The following USP36 variants were observed in gnomAD, a reference collection of about 807,000 sequenced individuals.
USP36 encodes ubiquitin specific peptidase 36.
USP36 carries 59 observed loss-of-function variants against 111.5 expected under a neutral mutation model. The observed-to-expected ratio is 0.53, with a 90% CI of 0.43 to 0.66. The LOEUF is 0.66. USP36 is among the 30% of genes least tolerant of loss of function. The pLI, the probability that USP36 is intolerant of heterozygous loss-of-function variation, is 0.00. For synonymous variants in USP36, 628 were observed against 581.0 expected (o/e 1.08, Z -1.16); for missense variants, 1,488 against 1,468.0 (o/e 1.01, Z -0.22).
At chr17:78,827,439 TA>T in intron 5 of USP36, 92 bp from the exon 6 acceptor site, 1 of 1,269,388 alleles carries the variant, frequency 7.9e-7, no homozygotes. Context: ...CTGGCTGTTA[TA>T]AGGGGAAAAT....
chr17:78,820,290 A>G lies in USP36; in HGVS notation c.829-278T>C, dbSNP rs1374710252. On this transcript the variant is annotated intron_variant, in intron 8 of 20. Transcript: ENST00000449938. The stretch of plus-strand genomic sequence containing the variant: ...GGAGTTTGAGACAAGCCTGGGCAAC[A>G]TAGCAAGACCCCTGTCTCTGCAAAG... 3.9e-5 allele frequency among the ~76,000 whole-genome samples: 6 copies of G among 152,196 alleles called. No individual in the cohort carries two copies. In the East Asian group the frequency reaches 5.8e-4, roughly 15 times the overall value.
At chr17:78,815,904 G>A (rs529342377) in intron 10 of USP36, among the ~76,000 whole-genome samples, 45 of 151,682 alleles carry the variant, frequency 3.0e-4, no homozygotes, top group South Asian at 1.7e-3. Flanking sequence ...ATACATGCAC[G>A]CACACATGCA....
At chr17:78,837,270 G>A (rs2068770402) in intron 2 of USP36, among the ~76,000 whole-genome samples, 1 of 152,022 alleles carries the variant, frequency 6.6e-6, no homozygotes, top group Non-Finnish European at 1.5e-5. Flanking sequence ...AGCAGGCCTA[G>A]AGACTAGTAT....
At chr17:78,793,828 C>T (rs537703671), downstream of USP36, among the ~76,000 whole-genome samples, 5 of 152,128 alleles carry the variant, frequency 3.3e-5, no homozygotes, top group Admixed American at 6.5e-5. Flanking sequence ...GTCCAGACAC[C>T]TGGGCTTTTT....
chr17:78,821,302 A>C (rs1599055264), intron 7 of USP36: 1 of 409,688 alleles, frequency 2.4e-6, no homozygotes, highest in Non-Finnish European at 4.5e-6. Flanking sequence ...ACTGCTGACC[A>C]CCACGTGCGG....
Position 78,807,277 on chromosome 17 carries a change from G to A in USP36, c.1767C>T (p.Ala589=), listed in dbSNP as rs1479909860. The A allele has an allele frequency of 6.2e-7, 1 of 1,614,178 alleles. No homozygotes were observed. Among genetic ancestry groups the A allele is most frequent in the East Asian group, 2.2e-5 (1 of 44,888 alleles). Residue 589 remains alanine, a synonymous_variant, in exon 14 of 21, where the codon GCC becomes GCT. Transcript: ENST00000449938. ...CCTTCAGCCCATGCCCGTTGGCAGT[G>A]GCTGTAGCCAGGAGCTTAGGTGAGG... The part of the protein sequence containing the change: ...LSTSPKLLAT[A]TANGHGLKGN...
chr17:78,791,993 C>G (rs1387300268), downstream of USP36: 1 of 152,182 alleles, frequency 6.6e-6, no homozygotes, highest in East Asian at 1.9e-4. Flanking sequence ...TCAGTTGATT[C>G]TGGGCTTGAT....
chr17:78,796,114 C>T lies in USP36; in HGVS notation c.*1786G>A, dbSNP rs1441182846. 6.6e-6 allele frequency: 1 copy of T among 152,004 alleles called. No homozygotes were observed. Among genetic ancestry groups the T allele is most frequent in the East Asian group, 1.9e-4 (1 of 5,200 alleles). 9.4% of individuals were successfully genotyped at this position (152,004 alleles called of 1,614,324 possible). On this transcript the variant is annotated 3_prime_UTR_variant, in exon 21 of 21. Transcript: ENST00000449938. ...GCCCAAGAGTTAACGAATGTATGTA[C>T]CCCAGGAAAAGGTTTTACAGTTATC...
chr17:78,831,098 T>C (rs944257728), intron 4 of USP36, among the ~76,000 whole-genome samples: 1 of 151,414 alleles, frequency 6.6e-6, no homozygotes, highest in South Asian at 2.1e-4. Context: ...TGGTGGCACG[T>C]GCCTGTAGTC....
At chr17:78,831,443 T>G (rs935060060) in intron 4 of USP36, among the ~76,000 whole-genome samples, 11 of 151,144 alleles carry the variant, frequency 7.3e-5, no homozygotes, top group Admixed American at 7.3e-4. Flanking sequence ...GAGACCCCCA[T>G]CTCTACTAAA....
chr17:78,805,431 T>A (rs573425174), intron 15 of USP36, among the ~76,000 whole-genome samples: 1 of 152,260 alleles, frequency 6.6e-6, no homozygotes, highest in African/African-American at 2.4e-5. Flanking sequence ...CAGTCATACC[T>A]CGCCCTCATG....
At chr17:78,821,101 C>A (rs1427385057) in intron 7 of USP36, 40 bp from the exon 8 acceptor site, 1 of 1,560,316 alleles carries the variant, frequency 6.4e-7, no homozygotes, top group East Asian at 2.4e-5. Context: ...TGGGGCCTGG[C>A]AGAGGCACTC....
At chr17:78,825,000 T>C (rs1186679928) in intron 6 of USP36, among the ~76,000 whole-genome samples, 1 of 152,112 alleles carries the variant, frequency 6.6e-6, no homozygotes, top group Admixed American at 6.6e-5. Flanking sequence ...CAACCACCTG[T>C]ATAGAGCAAA....
rs994579601 is a variant in USP36, at chr17:78,802,703, C to G, written c.2811-168G>C. On this transcript the variant is annotated intron_variant, in intron 16 of 20. Coordinates refer to ENST00000449938, the MANE Select transcript of USP36 (RefSeq NM_001385174.1). ...CACACGCATTAGCGGACGCTCCACACGCAGCCACGGAGACAGTAGAGGGAA... is the reference window on the plus strand; with the variant it reads ...CACACGCATTAGCGGACGCTCCACAGGCAGCCACGGAGACAGTAGAGGGAA... 2.0e-5 allele frequency among the ~76,000 whole-genome samples: 3 copies of G among 152,204 alleles called. No homozygotes were observed. In the East Asian group the frequency reaches 5.8e-4, roughly 29 times the overall value.
At chr17:78,802,907 T>C (rs970969386) in intron 16 of USP36, among the ~76,000 whole-genome samples, 4 of 152,158 alleles carry the variant, frequency 2.6e-5, no homozygotes, top group African/African-American at 9.7e-5. Flanking sequence ...GCTTCAAGGA[T>C]CAATCCACTG....
At position 78,829,018 on chromosome 17, in the gene USP36, G is replaced by C. The variant is rs774989118; in HGVS notation, c.476-11C>G. The C allele has an allele frequency of 3.1e-6, 5 of 1,610,296 alleles. No homozygotes were observed. In the South Asian group the frequency reaches 5.5e-5, roughly 18 times the overall value. On this transcript the variant is annotated splice_polypyrimidine_tract_variant and intron_variant, in intron 4 of 20. Coordinates refer to ENST00000449938, the MANE Select transcript of USP36 (RefSeq NM_001385174.1). ...AGCTTCCCTGGTGGCCTGCCGGCGT[G>C]GAAGGAGGAGCAATTTTAAGACAAG...
intron 6 of USP36, chr17:78,826,820 G>C (rs981672714): frequency 1.3e-5 from 6 of 471,248 alleles, no homozygotes; most frequent in Non-Finnish European, 2.3e-5. Context: ...ACATATACAT[G>C]TACATATAAA....
rs1250671088 is a variant in USP36, at chr17:78,812,918, G to A, written c.1349C>T (p.Pro450Leu). ...SSLPGRPSVI[P>L]DHSKKNIGNG... ...GCCGATGTTCTTCTTGGAGTGATCT[G>A]GAATCACACTCGGGCGGCCGGGAAG... The change falls in exon 13 of 21, where the codon CCA (proline) becomes CTA (leucine). Residue 450 changes from proline (P) to leucine (L), a missense_variant. Physicochemically the swap from Pro to Leu is moderately conservative, Grantham distance 98 (BLOSUM62 -3). Around this residue, in one of 3 missense-constraint regions of USP36, gnomAD observed 1,073 missense variants for 994.1 expected, o/e 1.08. Coordinates refer to ENST00000449938, the MANE Select transcript of USP36 (RefSeq NM_001385174.1). 6.2e-7 allele frequency: 1 copy of A among 1,613,790 alleles called. No homozygotes were observed. The highest frequency in any genetic ancestry group is 1.3e-5 in the African/African-American group (1 of 74,858).
chr17:78,807,174 T>C lies in USP36; in HGVS notation c.1870A>G (p.Thr624Ala), dbSNP rs2093927873. ...CTCCTGGGGGTCTGGGGGGCCTTGG[T>C]GGAGTCGCTGCTGGCCGAGTGCTCT... is the stretch of plus-strand genomic sequence containing the variant. ...SPEHSASSDS[T>A]KAPQTPRSGA... Residue 624 changes from threonine (T) to alanine (A), a missense_variant, in exon 14 of 21, where the codon ACC becomes GCC. Thr to Ala is a moderately conservative substitution (Grantham distance 58, BLOSUM62 0). Transcript: ENST00000449938. 2 of 1,614,118 alleles carry C rather than the reference T, an allele frequency of 1.2e-6. No homozygotes were observed. Among genetic ancestry groups the C allele is most frequent in the Non-Finnish European group, 1.7e-6 (2 of 1,180,008 alleles).
Sources: allele counts gnomAD v4.1 joint callset (sites outside exome capture counted in the v4.1 genomes callset), GRCh38; gene constraint gnomAD v4.1.1; regional missense constraint gnomAD v4.1.1; transcripts MANE v1.5; gene names NCBI Gene and HGNC (gene_info 2026-07-23, HGNC 2026-07-21).